Variants in PPP3R1 observed in about 807,000 individuals in gnomAD.
PPP3R1 encodes the protein calcineurin subunit B type 1.
In PPP3R1, 5 loss-of-function variants were observed where a neutral mutation model predicts 22.6. The ratio of observed to expected loss-of-function variants is 0.22; its 90% CI spans 0.12 to 0.46. PPP3R1 has a LOEUF of 0.46. PPP3R1 is among the 20% of genes least tolerant of loss of function. The pLI is 0.99. For synonymous variants in PPP3R1, 56 were observed against 65.2 expected (o/e 0.86, Z 0.68); for missense variants, 61 against 203.2 (o/e 0.30, Z 4.25).
intron 2 of PPP3R1, among the ~76,000 whole-genome samples, chr2:68,203,740 T>C (rs1191414455): frequency 1.3e-5 from 2 of 152,200 alleles, no homozygotes; most frequent in Non-Finnish European, 2.9e-5. Context: ...GCAAAGTTAT[T>C]ATCCTTAAAC....
At chr2:68,232,550 G>T (rs1669938474) in intron 1 of PPP3R1, among the ~76,000 whole-genome samples, 1 of 151,924 alleles carries the variant, frequency 6.6e-6, no homozygotes, top group South Asian at 2.1e-4. Context: ...AACAGAACCA[G>T]TAGACTATGG....
chr2:68,199,627 A>T (rs1242936436), intron 2 of PPP3R1, among the ~76,000 whole-genome samples: 1 of 152,228 alleles, frequency 6.6e-6, no homozygotes, highest in Non-Finnish European at 1.5e-5. Flanking sequence ...TATCAGGCTG[A>T]GGAAGTTCCC....
At chr2:68,192,140 A>G (rs1028505710) in intron 2 of PPP3R1, among the ~76,000 whole-genome samples, 2 of 152,226 alleles carry the variant, frequency 1.3e-5, no homozygotes, top group Non-Finnish European at 2.9e-5. Flanking sequence ...TCAGCAAACC[A>G]TTCAGAACAG....
chr2:68,197,255 T>C (rs1674801154), intron 2 of PPP3R1, among the ~76,000 whole-genome samples: 1 of 152,182 alleles, frequency 6.6e-6, no homozygotes, highest in African/African-American at 2.4e-5. Flanking sequence ...TATAACTAAA[T>C]TCTATCTAGA....
At chr2:68,234,635 G>A (rs1449348177) in intron 1 of PPP3R1, among the ~76,000 whole-genome samples, 1 of 152,208 alleles carries the variant, frequency 6.6e-6, no homozygotes, top group East Asian at 1.9e-4. Context: ...AAACACGACA[G>A]TGAGAGGGTG....
intron 1 of PPP3R1, among the ~76,000 whole-genome samples, chr2:68,231,133 T>C (rs1216981022): frequency 2.0e-5 from 3 of 152,214 alleles, no homozygotes; most frequent in African/African-American, 7.2e-5. Flanking sequence ...TTAAATCTTT[T>C]TATAGACTCA....
intron 2 of PPP3R1, among the ~76,000 whole-genome samples, chr2:68,198,377 G>A (rs1470381204): frequency 4.2e-4 from 37 of 87,620 alleles, no homozygotes; most frequent in Admixed American, 3.4e-3. Flanking sequence ...ATATGTACAT[G>A]TATATGCATA....
At chr2:68,187,966 G>A (rs546093319) in intron 3 of PPP3R1, among the ~76,000 whole-genome samples, 6 of 152,068 alleles carry the variant, frequency 3.9e-5, no homozygotes, top group Non-Finnish European at 7.4e-5. Context: ...TCAGGAGTTC[G>A]AGACCACAGC....
At chr2:68,211,268 G>A (rs193031841) in intron 2 of PPP3R1, among the ~76,000 whole-genome samples, 388 of 150,220 alleles carry the variant, frequency 2.6e-3, no homozygotes, top group Admixed American at 7.2e-3. Flanking sequence ...TTAGCCCGGC[G>A]TGGTGGCGGG....
chr2:68,237,575 TG>T lies in PPP3R1; in HGVS notation c.3+14549del, dbSNP rs1332286641. On this transcript the variant is annotated intron_variant, in intron 1 of 5. Coordinates refer to ENST00000234310, the MANE Select transcript of PPP3R1 (RefSeq NM_000945.4). ...AACTCTATGAGTAATGTGACGAGAA[TG>T]AATAATAAAATACCAAAACAGCTGC... Among the ~76,000 whole-genome samples, 10 of 152,232 alleles carry T rather than the reference TG, an allele frequency of 6.6e-5. No individual in the cohort carries two copies. In the East Asian group the frequency reaches 1.7e-3, roughly 26 times the overall value.
At chr2:68,231,684 A>G (rs1669903922) in intron 1 of PPP3R1, among the ~76,000 whole-genome samples, 1 of 152,210 alleles carries the variant, frequency 6.6e-6, no homozygotes, top group South Asian at 2.1e-4. Context: ...TTTATCAGTG[A>G]TATTCTTAAG....
chr2:68,219,492 A>G (rs1401649100), intron 1 of PPP3R1, among the ~76,000 whole-genome samples: 1 of 152,128 alleles, frequency 6.6e-6, no homozygotes, highest in African/African-American at 2.4e-5. Context: ...TTTATCAGTA[A>G]TTGTTTCATT....
At chr2:68,200,717 T>C (rs970965653) in intron 2 of PPP3R1, among the ~76,000 whole-genome samples, 5 of 152,242 alleles carry the variant, frequency 3.3e-5, no homozygotes, top group Non-Finnish European at 2.9e-5. Flanking sequence ...GCATCATTTC[T>C]ATTCCCCCAA....
At chr2:68,232,187 GTATATACATAT>G (rs1669923751) in intron 1 of PPP3R1, among the ~76,000 whole-genome samples, 1 of 62,684 alleles carries the variant, frequency 1.6e-5, no homozygotes. Context: ...ATACGTATAT[GTATATACATAT>G]TATATACATA....
intron 5 of PPP3R1, among the ~76,000 whole-genome samples, chr2:68,185,527 C>A (rs914279876): frequency 3.4e-5 from 5 of 145,876 alleles, no homozygotes; most frequent in South Asian, 2.1e-4. Flanking sequence ...ATATATATAT[C>A]TCCCCTCTTC....
At chr2:68,189,975 A>G (rs751132357) in intron 2 of PPP3R1, among the ~76,000 whole-genome samples, 20 of 152,038 alleles carry the variant, frequency 1.3e-4, no homozygotes, top group Non-Finnish European at 1.5e-4. Flanking sequence ...GGCCCACAAC[A>G]CTAGAAAAGA....
At chr2:68,228,998 T>A (rs1343608316) in intron 1 of PPP3R1, among the ~76,000 whole-genome samples, 1 of 152,122 alleles carries the variant, frequency 6.6e-6, no homozygotes, top group Non-Finnish European at 1.5e-5. Context: ...TTCTTTGATT[T>A]CAATTCCTTA....
chr2:68,235,173 T>C (rs1257555812), intron 1 of PPP3R1, among the ~76,000 whole-genome samples: 2 of 152,222 alleles, frequency 1.3e-5, no homozygotes, highest in Non-Finnish European at 2.9e-5. Context: ...GGCTTGCTGG[T>C]CAATAAGCCT....
chr2:68,197,628 T>C (rs1683819915), intron 2 of PPP3R1, among the ~76,000 whole-genome samples: 1 of 152,138 alleles, frequency 6.6e-6, no homozygotes, highest in Non-Finnish European at 1.5e-5. Context: ...CAAGTGGTAT[T>C]GCCTATTTTT....
Sources: allele counts gnomAD v4.1 joint callset (sites outside exome capture counted in the v4.1 genomes callset), GRCh38; gene constraint gnomAD v4.1.1; transcripts MANE v1.5; gene names NCBI Gene and HGNC (gene_info 2026-07-23, HGNC 2026-07-21).